Variants in PCM1 observed in about 807,000 individuals in gnomAD.
PCM1 encodes the protein pericentriolar material 1.
PCM1 carries 157 observed loss-of-function variants against 241.9 expected under a neutral mutation model. That is an observed-to-expected ratio of 0.65 (90% CI 0.57 to 0.74). The LOEUF (loss-of-function observed/expected upper bound fraction) is 0.74, where lower values mean the gene tolerates loss of function less well. Ranked by LOEUF, PCM1 falls within the 30% of genes least tolerant of loss-of-function variation. The probability of loss-of-function intolerance (pLI) is 0.00; values close to 1 mark genes in which losing one functional copy is unlikely to be tolerated. For missense variants in PCM1, 3,478 were observed against 2,360.1 expected, an observed-to-expected ratio of 1.47 and a Z score of -9.81; for synonymous variants, 1,085 against 784.9, an observed-to-expected ratio of 1.38 and a Z score of -6.39.
chr8:17,959,201 G>C (rs111251601), intron 13 of PCM1, among the ~76,000 whole-genome samples: 5 of 151,830 alleles, frequency 3.3e-5, no homozygotes, highest in African/African-American at 4.8e-5. Context: ...TTATTTTATA[G>C]CTTTCCTTTT....
chr8:17,936,768 CTT>C (rs2060554554), intron 3 of PCM1, among the ~76,000 whole-genome samples: 1 of 152,036 alleles, frequency 6.6e-6, no homozygotes, highest in South Asian at 2.1e-4. Flanking sequence ...TACGTACTGA[CTT>C]TATAGGAGAT....
At chr8:17,951,372 G>A (rs2065944156) in intron 8 of PCM1, among the ~76,000 whole-genome samples, 1 of 152,186 alleles carries the variant, frequency 6.6e-6, no homozygotes, top group African/African-American at 2.4e-5. Context: ...ACTTTGGAGA[G>A]TTATATAGCA....
chr8:17,997,218 C>A (rs772011189), intron 29 of PCM1, among the ~76,000 whole-genome samples: 1 of 152,216 alleles, frequency 6.6e-6, no homozygotes, highest in Non-Finnish European at 1.5e-5. Flanking sequence ...ATGACACTCT[C>A]TCCTGACCTG....
At chr8:17,990,501 C>T (rs747845440) in intron 27 of PCM1, among the ~76,000 whole-genome samples, 1 of 149,640 alleles carries the variant, frequency 6.7e-6, no homozygotes, top group African/African-American at 2.5e-5. Context: ...TTTTTTTTCC[C>T]CCTCTCCCAT....
At position 18,021,206 on chromosome 8, in the gene PCM1, C is replaced by T. The variant is rs555245786; in HGVS notation, c.5842-4155C>T. ...TGAAGGCCCAGACAGCCAGCTGGTC[C>T]TTCCTGAGTCCTTCAAACTGTCATT... On this transcript the variant is annotated intron_variant, in intron 36 of 38. Transcript: ENST00000325083. Among the ~76,000 whole-genome samples, 5 of 152,276 alleles carry T rather than the reference C, an allele frequency of 3.3e-5. No homozygotes were observed. The East Asian group carries it at 9.6e-4, about 29-fold the overall frequency.
rs2092459099 is a variant in PCM1 at position 18,011,258 on chromosome 8, G to C, written c.5242G>C (p.Val1748Leu). Residue 1748 changes from valine (V) to leucine (L), a missense_variant, in exon 33 of 39, where the codon GTT becomes CTT. Physicochemically the swap from Val to Leu is conservative, Grantham distance 32. Transcript: ENST00000325083. ...EDKDKDETET[V>L]KQTQTSEVYD... is the part of the protein sequence containing the mutation. ...CTAGGACAAGGATGAAACTGAAACA[G>C]TTAAGCAGACTCAAACATCTGAGGT... 1 of 1,605,558 alleles carries C rather than the reference G, an allele frequency of 6.2e-7. No individual in the cohort carries two copies. The highest frequency in any genetic ancestry group is 8.5e-7 in the Non-Finnish European group (1 of 1,175,864).
chr8:17,941,056 A>G (rs796574688), intron 6 of PCM1, among the ~76,000 whole-genome samples: 9 of 152,250 alleles, frequency 5.9e-5, no homozygotes, highest in African/African-American at 2.2e-4. Flanking sequence ...TCCTAATTTG[A>G]AGAGGTGATT....
At chr8:18,010,772 A>G (rs552679802) in intron 32 of PCM1, 104 bp downstream of exon 32, 38 of 716,522 alleles carry the variant, frequency 5.3e-5, no homozygotes, top group African/African-American at 5.0e-4. Context: ...CACGAGGTCA[A>G]GATTTCCAGA....
intron 36 of PCM1, among the ~76,000 whole-genome samples, chr8:18,022,866 G>T (rs2093870106): frequency 6.6e-6 from 1 of 152,144 alleles, no homozygotes; most frequent in South Asian, 2.1e-4. Context: ...GAGGCAAATG[G>T]AATACCCCTG....
chr8:17,954,921 C>G (rs1449197951), intron 9 of PCM1, among the ~76,000 whole-genome samples: 1 of 152,058 alleles, frequency 6.6e-6, no homozygotes, highest in Admixed American at 6.6e-5. Context: ...ACTTTTAACA[C>G]TTTTCTTTCT....
intron 30 of PCM1, among the ~76,000 whole-genome samples, chr8:18,007,543 T>C (rs1387503974): frequency 1.3e-5 from 2 of 152,228 alleles, no homozygotes; most frequent in South Asian, 2.1e-4. Context: ...TTTTGCCTTC[T>C]ATGATAATTG....
intron 23 of PCM1, among the ~76,000 whole-genome samples, chr8:17,976,637 C>T (rs1159994075): frequency 1.3e-5 from 2 of 152,168 alleles, no homozygotes; most frequent in Non-Finnish European, 2.9e-5. Context: ...TGTGCAAGGT[C>T]TCCAGAGTGC....
At chr8:17,946,159 C>T (rs1010927780) in intron 6 of PCM1, among the ~76,000 whole-genome samples, 3 of 151,852 alleles carry the variant, frequency 2.0e-5, no homozygotes, top group African/African-American at 7.3e-5. Context: ...TTGTAAGTGC[C>T]ACTTATTTAA....
intron 7 of PCM1, among the ~76,000 whole-genome samples, chr8:17,947,848 A>G (rs1299438977): frequency 6.6e-6 from 1 of 152,172 alleles, no homozygotes; most frequent in Non-Finnish European, 1.5e-5. Context: ...TGTATATGCT[A>G]GCTCCTTGGA....
chr8:18,017,994 G>C (rs2093384486), intron 36 of PCM1, among the ~76,000 whole-genome samples: 1 of 152,220 alleles, frequency 6.6e-6, no homozygotes, highest in Non-Finnish European at 1.5e-5. Context: ...ATCAGTGGGA[G>C]TCACGTACAG....
intron 36 of PCM1, 22 bp downstream of exon 36, chr8:18,014,862 A>AAATATTTTTAC (rs2092970018): frequency 6.5e-7 from 1 of 1,541,684 alleles, no homozygotes; most frequent in Non-Finnish European, 8.7e-7. Context: ...TTACATTTCC[A>AAATATTTTTAC]AATATTTTTA....
chr8:17,952,393 T>C (rs1366290268), intron 8 of PCM1, among the ~76,000 whole-genome samples: 1 of 152,128 alleles, frequency 6.6e-6, no homozygotes, highest in Middle Eastern at 3.2e-3. Flanking sequence ...GTGGCATTGT[T>C]ATTACTTTTG....
chr8:17,969,448 T>C (rs1474569193), intron 21 of PCM1, 129 bp from the exon 22 acceptor site: 10 of 688,576 alleles, frequency 1.5e-5, no homozygotes, highest in Admixed American at 3.4e-5. Context: ...ATTAGCTTTT[T>C]TTTTTAATTA....
At chr8:17,986,290 G>T (rs900449301) in intron 26 of PCM1, 4 of 388,624 alleles carry the variant, frequency 1.0e-5, no homozygotes, top group African/African-American at 6.3e-5. Flanking sequence ...CAAAAATTAT[G>T]TATGTATGAT....
Sources: allele counts gnomAD v4.1 joint callset (sites outside exome capture counted in the v4.1 genomes callset), GRCh38; gene constraint gnomAD v4.1.1; transcripts MANE v1.5; gene names NCBI Gene and HGNC (gene_info 2026-07-23, HGNC 2026-07-21).